CYBRD1: variants seen among roughly 807,000 people sequenced by gnomAD.
CYBRD1 encodes the protein plasma membrane ascorbate-dependent reductase CYBRD1.
A neutral mutation model predicts 21.9 loss-of-function variants in CYBRD1; 14 were observed. That is an observed-to-expected ratio of 0.64 (90% CI 0.42 to 1.00). The LOEUF is 1.00. CYBRD1 is among the 50% of genes least tolerant of loss of function. The probability of loss-of-function intolerance (pLI) is 0.00; values close to 1 mark genes in which losing one functional copy is unlikely to be tolerated. For missense variants in CYBRD1, 328 were observed against 352.5 expected (o/e 0.93, Z 0.56); for synonymous variants, 146 against 136.5 (o/e 1.07, Z -0.48).
chr2:171,522,245 C>T (rs1279533742), upstream of CYBRD1: 5 of 1,549,884 alleles, frequency 3.2e-6, no homozygotes, highest in Non-Finnish European at 4.4e-6. The surrounding 1 kb of genome is among the most constrained non-coding windows in gnomAD (Gnocchi z 4.3). Flanking sequence ...CTAACTAGGT[C>T]TGTTACTGAA....
intron 1 of CYBRD1, among the ~76,000 whole-genome samples, chr2:171,530,410 T>C (rs1398510459): frequency 1.3e-5 from 2 of 152,234 alleles, no homozygotes; most frequent in African/African-American, 2.4e-5. Flanking sequence ...AGTTTACCAA[T>C]TGGGTCAGTT....
chr2:171,532,658 G>A (rs543118397), intron 1 of CYBRD1, among the ~76,000 whole-genome samples: 4 of 151,764 alleles, frequency 2.6e-5, no homozygotes, highest in South Asian at 2.1e-4. Flanking sequence ...AAAATTAGCC[G>A]GGCATGGTGG....
Position 171,541,896 on chromosome 2 carries a change from G to T in CYBRD1, c.402+103G>T, listed in dbSNP as rs1486748819. The stretch of plus-strand genomic sequence containing the variant: ...TTTTTTTTTTTTGAGACAGAGTCTC[G>T]CTTAGCCACCCAGGCTGGAGTGCAG... On this transcript the variant is annotated intron_variant, in intron 2 of 3. Coordinates refer to ENST00000321348, the MANE Select transcript of CYBRD1 (RefSeq NM_024843.4). 6.7e-6 allele frequency: 7 copies of T among 1,038,392 alleles called. No homozygotes were observed. The South Asian group carries it at 7.6e-5, about 11-fold the overall frequency. The allele number at this position is 1,038,392 out of a possible 1,614,324, so 64.3% of individuals were successfully genotyped here. A position where few individuals can be genotyped will look rare whatever the true frequency, so the allele number is the denominator to read the frequency against.
chr2:171,541,557 C>T (rs1697631290), intron 1 of CYBRD1, 28 bp from the exon 2 acceptor site: 2 of 1,604,784 alleles, frequency 1.2e-6, no homozygotes, highest in East Asian at 2.2e-5. Flanking sequence ...AAACAAAACA[C>T]ATTCTGTGTC....
At chr2:171,553,576 T>G in intron 3 of CYBRD1, 76 bp downstream of exon 3, 1 of 1,321,518 alleles carries the variant, frequency 7.6e-7, no homozygotes, top group Middle Eastern at 2.1e-4. Context: ...GAAAATGTAA[T>G]AAAAATATAA....
intron 1 of CYBRD1, among the ~76,000 whole-genome samples, chr2:171,538,311 A>G (rs1217159159): frequency 6.6e-6 from 1 of 152,176 alleles, no homozygotes; most frequent in African/African-American, 2.4e-5. Context: ...GAGGAGCTAC[A>G]TGCTTTGAGT....
chr2:171,523,997 C>G (rs1345229129), intron 1 of CYBRD1, among the ~76,000 whole-genome samples: 2 of 152,202 alleles, frequency 1.3e-5, no homozygotes, highest in East Asian at 3.8e-4. Flanking sequence ...ATATTTAACT[C>G]CCCACAAACG....
rs1697565144 is a variant in CYBRD1, at chr2:171,537,651, A to G, written c.194-3934A>G. Among the ~76,000 whole-genome samples, 2 of 152,242 alleles carry G rather than the reference A, an allele frequency of 1.3e-5. 1 individual carries two copies. The highest frequency in any genetic ancestry group is 1.3e-4 in the Admixed American group (2 of 15,280). On this transcript the variant is annotated intron_variant, in intron 1 of 3. Transcript: ENST00000321348. The stretch of plus-strand genomic sequence containing the variant: ...AATTTCCTGGTTGTGCTATGGTACC[A>G]TAGTTATATAAGGTGTTAGAGAAAA...
chr2:171,523,233 G>A (rs1171659251), intron 1 of CYBRD1: 1 of 409,610 alleles, frequency 2.4e-6, no homozygotes, highest in South Asian at 1.9e-5. Context: ...CTTCCAGGCT[G>A]CAGATGAGGA....
At chr2:171,530,144 C>T (rs187946502) in intron 1 of CYBRD1, among the ~76,000 whole-genome samples, 65 of 152,232 alleles carry the variant, frequency 4.3e-4, no homozygotes, top group Non-Finnish European at 5.9e-5. Flanking sequence ...CCCTAGAGGC[C>T]GAAGAGGGTA....
rs551123460 is a variant in CYBRD1 at position 171,546,489 on chromosome 2, T to C, written c.402+4696T>C. On this transcript the variant is annotated intron_variant, in intron 2 of 3. Transcript: ENST00000321348. ...ATAGGTACCTTCATGGTTAAGAACA[T>C]GCATTTTTTGTCATTGCAATTTTAT... Among the ~76,000 whole-genome samples the C allele has an allele frequency of 3.3e-5, 5 of 152,296 alleles. No homozygotes were observed. In the East Asian group the frequency reaches 9.6e-4, roughly 29 times the overall value.
In CYBRD1 at chr2:171,556,635, GA is replaced by G. The variant is rs980822620; in HGVS notation, c.*1813del. Reference sequence around the variant, plus strand: ...CTCCATCATATCCCTTAAACTTCATGAAAAACCATTCAAGATCCCCTTGCTG... The same window carrying G: ...CTCCATCATATCCCTTAAACTTCATGAAAACCATTCAAGATCCCCTTGCTG... On this transcript the variant is annotated 3_prime_UTR_variant, in exon 4 of 4. Coordinates refer to ENST00000321348, the MANE Select transcript of CYBRD1 (RefSeq NM_024843.4). 1.1e-4 allele frequency: 16 copies of G among 152,174 alleles called. No individual in the cohort carries two copies. The highest frequency in any genetic ancestry group is 3.6e-4 in the African/African-American group (15 of 41,522). The allele number at this position is 152,174 out of a possible 1,614,324, so 9.4% of individuals were successfully genotyped here. A position where few individuals can be genotyped will look rare whatever the true frequency, so the allele number is the denominator to read the frequency against.
intron 1 of CYBRD1, among the ~76,000 whole-genome samples, chr2:171,529,676 C>A (rs1697435475): frequency 6.6e-6 from 1 of 152,082 alleles, no homozygotes; most frequent in Non-Finnish European, 1.5e-5. Flanking sequence ...CTTGCAGCAG[C>A]AGTCATCATA....
chr2:171,550,943 T>C (rs1490460517), intron 2 of CYBRD1: 3 of 182,384 alleles, frequency 1.6e-5, no homozygotes, highest in Non-Finnish European at 3.4e-5. Context: ...CTGAGCCCCA[T>C]TTTCTTTTCC....
intron 2 of CYBRD1, among the ~76,000 whole-genome samples, chr2:171,544,313 T>G (rs1029488279): frequency 1.3e-5 from 2 of 152,236 alleles, no homozygotes; most frequent in African/African-American, 4.8e-5. Context: ...TTTTCTCTGT[T>G]GTTAACATCT....
chr2:171,522,330 T>A, upstream of CYBRD1: 1 of 1,524,352 alleles, frequency 6.6e-7, no homozygotes. This position sits in a 1 kb window ranked among gnomAD's most constrained non-coding sequence, Gnocchi z 4.3. Flanking sequence ...GGCGGCCGCG[T>A]GATCCCGGGG....
intron 1 of CYBRD1, among the ~76,000 whole-genome samples, chr2:171,537,631 C>T (rs1049651293): frequency 3.9e-5 from 6 of 152,046 alleles, no homozygotes; most frequent in Admixed American, 6.6e-5. Context: ...ATGTCAATTT[C>T]CTGGTTGTGC....
In CYBRD1 at chr2:171,554,734, C is replaced by T. The variant is rs753805017; in HGVS notation, c.768C>T (p.Asn256=). Residue 256 remains asparagine, a synonymous_variant, in exon 4 of 4, where the codon AAC becomes AAT. Coordinates refer to ENST00000321348, the MANE Select transcript of CYBRD1 (RefSeq NM_024843.4). ...RGSMPAYSGN[N]MDKSDSELNS... ...CCATGCCAGCCTACTCTGGCAACAA[C>T]ATGGACAAATCAGATTCAGAGTTAA... 8 of 1,614,006 alleles carry T rather than the reference C, an allele frequency of 5.0e-6. No homozygotes were observed. In the South Asian group the frequency reaches 8.8e-5, roughly 18 times the overall value.
At chr2:171,526,483 G>A (rs1008210555) in intron 1 of CYBRD1, among the ~76,000 whole-genome samples, 27 of 149,090 alleles carry the variant, frequency 1.8e-4, no homozygotes, top group Admixed American at 3.4e-4. Flanking sequence ...GTATATTTTG[G>A]AATATGTATA....
Sources: gnomAD v4.1 joint callset for allele counts (sites outside exome capture counted in the v4.1 genomes callset) on GRCh38, gnomAD v4.1.1 for gene constraint, Gnocchi (gnomAD v3.1) non-coding constraint, MANE v1.5 for transcripts, NCBI Gene and HGNC (gene_info 2026-07-23, HGNC 2026-07-21) for gene names.